Variants in DPP10 observed in about 807,000 individuals in gnomAD.
The protein encoded by DPP10 is inactive dipeptidyl peptidase 10.
Under a neutral mutation model 120.9 loss-of-function variants are expected in DPP10, and 33 were observed. The ratio of observed to expected loss-of-function variants is 0.27; its 90% CI spans 0.21 to 0.37. The LOEUF is 0.37. Among genes scored for constraint, DPP10 ranks in the 10% least tolerant of loss-of-function variants. The pLI is 1.00. For synonymous variants in DPP10, 337 were observed against 326.1 expected, an observed-to-expected ratio of 1.03 and a Z score of -0.36; for missense variants, 816 against 942.8, an observed-to-expected ratio of 0.87 and a Z score of 1.76.
At chr2:115,391,478 C>T (rs2106542582) in intron 3 of DPP10, among the ~76,000 whole-genome samples, 1 of 152,206 alleles carries the variant, frequency 6.6e-6, no homozygotes, top group South Asian at 2.1e-4. Context: ...TGAAATGGCT[C>T]ACAGCACATG....
intron 3 of DPP10, among the ~76,000 whole-genome samples, chr2:115,465,420 A>G (rs2074262219): frequency 6.6e-6 from 1 of 152,228 alleles, no homozygotes; most frequent in Non-Finnish European, 1.5e-5. Flanking sequence ...AATAAAGTGT[A>G]CTGTGTCAAA....
At chr2:115,480,364 C>T (rs988598183) in intron 3 of DPP10, among the ~76,000 whole-genome samples, 2 of 152,014 alleles carry the variant, frequency 1.3e-5, no homozygotes, top group African/African-American at 4.8e-5. Flanking sequence ...TACTGCATAA[C>T]TGAATTTTTT....
intron 1 of DPP10, among the ~76,000 whole-genome samples, chr2:114,809,682 G>A (rs1239105126): frequency 8.5e-5 from 13 of 152,102 alleles, no homozygotes; most frequent in East Asian, 1.9e-4. Flanking sequence ...GAGATACCCC[G>A]TCCTCTTACT....
At chr2:114,932,735 A>G (rs763318071) in intron 1 of DPP10, among the ~76,000 whole-genome samples, 2 of 152,184 alleles carry the variant, frequency 1.3e-5, no homozygotes, top group Non-Finnish European at 2.9e-5. Flanking sequence ...TTATGGTTAT[A>G]CTGGTGTATT....
At chr2:115,712,335 C>T (rs1051203942) in intron 7 of DPP10, among the ~76,000 whole-genome samples, 1 of 150,526 alleles carries the variant, frequency 6.6e-6, no homozygotes, top group African/African-American at 2.4e-5. Flanking sequence ...GGAGGCGGAG[C>T]TCAAGCAGGA....
chr2:115,205,954 A>G (rs1031442598), intron 1 of DPP10, among the ~76,000 whole-genome samples: 6 of 152,086 alleles, frequency 3.9e-5, no homozygotes, highest in Non-Finnish European at 7.4e-5. Flanking sequence ...GATGGGTTCA[A>G]TTGTATCCCA....
intron 1 of DPP10, among the ~76,000 whole-genome samples, chr2:115,263,849 T>G (rs879474455): frequency 2.0e-5 from 3 of 152,064 alleles, no homozygotes; most frequent in Non-Finnish European, 4.4e-5. Flanking sequence ...ATTTTTTTCT[T>G]TATAAAATAT....
chr2:114,503,518 A>G (rs537855973), intron 1 of DPP10, among the ~76,000 whole-genome samples: 28 of 152,318 alleles, frequency 1.8e-4, no homozygotes, highest in African/African-American at 6.5e-4. Context: ...TACTGAAGTG[A>G]AAGTCAGTCA....
intron 3 of DPP10, among the ~76,000 whole-genome samples, chr2:115,495,748 A>G (rs549298345): frequency 3.3e-5 from 5 of 152,302 alleles, no homozygotes; most frequent in African/African-American, 1.2e-4. Context: ...ATCTCAGGGT[A>G]CACAGGCCAG....
rs568911024 is a variant in DPP10, at chr2:115,007,340, T to C, written c.61-301899T>C. Among the ~76,000 whole-genome samples, 9 of 152,276 alleles carry C rather than the reference T, an allele frequency of 5.9e-5. No individual in the cohort carries two copies. The South Asian group carries it at 1.0e-3, about 18-fold the overall frequency. On this transcript the variant is annotated intron_variant, in intron 1 of 25. Transcript: ENST00000410059. ...GACAAAAACCACATGATTATCTCAA[T>C]AGATGCAGAAAAGGCCTTTGACAAA...
At chr2:115,625,003 G>C (rs1226012695) in intron 5 of DPP10, among the ~76,000 whole-genome samples, 2 of 151,602 alleles carry the variant, frequency 1.3e-5, no homozygotes, top group South Asian at 2.1e-4. Flanking sequence ...TTAAAGGTTA[G>C]TGTTCTCTAT....
intron 1 of DPP10, among the ~76,000 whole-genome samples, chr2:115,190,752 A>C (rs2054820709): frequency 6.6e-6 from 1 of 152,122 alleles, no homozygotes; most frequent in African/African-American, 2.4e-5. Flanking sequence ...TCCGTGAGAG[A>C]ACCGCCCAAG....
chr2:115,781,795 G>A (rs1446274569), intron 16 of DPP10, among the ~76,000 whole-genome samples: 1 of 151,986 alleles, frequency 6.6e-6, no homozygotes, highest in African/African-American at 2.4e-5. Context: ...ATTCCTTAGA[G>A]AAGTGAAGTT....
intron 3 of DPP10, among the ~76,000 whole-genome samples, chr2:115,390,733 T>C (rs2067261802): frequency 6.6e-6 from 1 of 152,162 alleles, no homozygotes; most frequent in Non-Finnish European, 1.5e-5. Flanking sequence ...TTTCACACCA[T>C]GTAGAAAGTT....
intron 4 of DPP10, among the ~76,000 whole-genome samples, chr2:115,499,848 C>T (rs2076593249): frequency 6.6e-6 from 1 of 151,944 alleles, no homozygotes; most frequent in African/African-American, 2.4e-5. Flanking sequence ...ATAGTAGTTG[C>T]TTAGAAAGAA....
intron 1 of DPP10, among the ~76,000 whole-genome samples, chr2:114,818,005 C>T (rs1276609194): frequency 6.6e-6 from 1 of 152,116 alleles, no homozygotes; most frequent in Non-Finnish European, 1.5e-5. Context: ...AAATACCTTT[C>T]TAGCCTGTTG....
At chr2:115,466,944 C>CT (rs918582844) in intron 3 of DPP10, among the ~76,000 whole-genome samples, 19 of 152,098 alleles carry the variant, frequency 1.2e-4, no homozygotes, top group Non-Finnish European at 1.5e-4. Flanking sequence ...CATTCATTTT[C>CT]TTTGAATTCA....
At chr2:114,606,388 C>T (rs1034270377) in intron 1 of DPP10, among the ~76,000 whole-genome samples, 1 of 152,098 alleles carries the variant, frequency 6.6e-6, no homozygotes, top group African/African-American at 2.4e-5. Flanking sequence ...CTCTGACTGC[C>T]TGATGCTCTC....
intron 1 of DPP10, among the ~76,000 whole-genome samples, chr2:114,821,605 G>A (rs1298605862): frequency 6.6e-6 from 1 of 152,130 alleles, no homozygotes; most frequent in Non-Finnish European, 1.5e-5. Flanking sequence ...TCTCATCTGA[G>A]GCAAAGCAAG....
Sources: allele counts gnomAD v4.1 joint callset (sites outside exome capture counted in the v4.1 genomes callset), GRCh38; gene constraint gnomAD v4.1.1; transcripts MANE v1.5; gene names NCBI Gene and HGNC (gene_info 2026-07-23, HGNC 2026-07-21).